The following ADCY3 variants were observed in gnomAD, a reference collection of about 807,000 sequenced individuals.
The protein encoded by ADCY3 is adenylate cyclase type 3.
Under a neutral mutation model 119.4 loss-of-function variants are expected in ADCY3, and 70 were observed. That is an observed-to-expected ratio of 0.59 (90% CI 0.48 to 0.72). ADCY3 has a LOEUF of 0.72. ADCY3 is among the 30% of genes least tolerant of loss of function. The pLI is 0.00. For missense variants in ADCY3, 1,238 were observed against 1,541.6 expected (o/e 0.80, Z 3.30); for synonymous variants, 672 against 621.4 (o/e 1.08, Z -1.21).
At chr2:24,827,760 G>T in intron 14 of ADCY3, 142 bp downstream of exon 14, 2 of 1,428,062 alleles carry the variant, frequency 1.4e-6, no homozygotes, top group African/African-American at 1.4e-5. Context: ...TCTGTGAGCA[G>T]CCAGGAACTG....
chr2:24,859,884 A>G (rs1673430705), intron 3 of ADCY3, among the ~76,000 whole-genome samples: 1 of 152,128 alleles, frequency 6.6e-6, no homozygotes, highest in South Asian at 2.1e-4. Flanking sequence ...AAGGGTGAAG[A>G]TGGGGATGGC....
At chr2:24,828,584 T>C (rs1668957425) in intron 13 of ADCY3, among the ~76,000 whole-genome samples, 1 of 152,242 alleles carries the variant, frequency 6.6e-6, no homozygotes, top group African/African-American at 2.4e-5. Flanking sequence ...TGATGACAGC[T>C]AGTCTCTGCC....
intron 2 of ADCY3, among the ~76,000 whole-genome samples, chr2:24,912,320 G>A (rs1400373192): frequency 4.0e-5 from 6 of 150,680 alleles, no homozygotes; most frequent in African/African-American, 1.5e-4. Flanking sequence ...AAAAAAGGAA[G>A]AAGAAAAAGA....
At chr2:24,838,862 A>T in intron 7 of ADCY3, 1 of 1,602,228 alleles carries the variant, frequency 6.2e-7, no homozygotes, top group South Asian at 1.1e-5. Context: ...TCTCAGCCTC[A>T]GTGTTGGAGC....
At position 24,841,323 on chromosome 2, in the gene ADCY3, C is replaced by T. The variant is rs1670986347; in HGVS notation, c.1132G>A (p.Asp378Asn). 4.4e-6 allele frequency: 7 copies of T among 1,591,160 alleles called. No homozygotes were observed. The highest frequency in any genetic ancestry group is 6.0e-6 in the Non-Finnish European group (7 of 1,169,438). Residue 378 changes from aspartate to asparagine, a missense_variant, in exon 6 of 22, where the codon GAC becomes AAC. Coordinates refer to ENST00000679454, the MANE Select transcript of ADCY3 (RefSeq NM_004036.5). The surrounding 1 kb of genome is among the most constrained non-coding windows in gnomAD (Gnocchi z 5.8). ...DCYYCICGLPDYREDHAVCSI... is the reference protein window; with the variant it reads ...DCYYCICGLPNYREDHAVCSI... ...CAGACGGCGTGGTCCTCCCGGTAGT[C>T]GGGCAAGCCGCAGATGCAGTAGTAG... is the stretch of plus-strand genomic sequence containing the variant.
At chr2:24,888,569 T>A (rs1677330997) in intron 2 of ADCY3, among the ~76,000 whole-genome samples, 1 of 152,228 alleles carries the variant, frequency 6.6e-6, no homozygotes, top group South Asian at 2.1e-4. Flanking sequence ...ATAAGCACTG[T>A]CTTTGGAGCC....
chr2:24,827,711 G>A, intron 14 of ADCY3, 103 bp from the exon 15 acceptor site: 1 of 1,427,862 alleles, frequency 7.0e-7, no homozygotes, highest in South Asian at 1.2e-5. Flanking sequence ...GGGAGAATGG[G>A]AAGAATCTAT....
rs774081468 is a variant in ADCY3 at position 24,918,937 on chromosome 2, TGAGTACTCGGCC to T, written c.39_50del (p.Ala18_Ser21del). 1.2e-5 allele frequency: 19 copies of T among 1,610,912 alleles called. No individual in the cohort carries two copies. The highest frequency in any genetic ancestry group is 1.4e-5 in the Non-Finnish European group (16 of 1,179,556). On this transcript the variant is annotated inframe_deletion, in exon 2 of 22. Transcript: ENST00000679454. This position sits in a 1 kb window ranked among gnomAD's most constrained non-coding sequence, Gnocchi z 5.4. Reference sequence around the variant, plus strand: ...AGGGCAGGCTGACGGAGTACTCGGCTGAGTACTCGGCCGAGTATTCGGGCTCGGAGAAGCCCT... The same window carrying T: ...AGGGCAGGCTGACGGAGTACTCGGCTGAGTATTCGGGCTCGGAGAAGCCCT...
chr2:24,867,905 G>C (rs112313013), intron 3 of ADCY3, among the ~76,000 whole-genome samples: 4,850 of 152,288 alleles, frequency 0.032, 251 homozygotes, highest in African/African-American at 0.11. Context: ...GCAGAGGCTT[G>C]TGAAATGAAG....
intron 2 of ADCY3, among the ~76,000 whole-genome samples, chr2:24,891,844 T>C (rs1044834113): frequency 2.0e-5 from 3 of 152,214 alleles, no homozygotes; most frequent in African/African-American, 7.2e-5. Context: ...TATCAGTTGT[T>C]GTTCATCTCT....
intron 3 of ADCY3, among the ~76,000 whole-genome samples, chr2:24,848,978 T>C (rs1671974761): frequency 6.6e-6 from 1 of 152,132 alleles, no homozygotes; most frequent in African/African-American, 2.4e-5. Flanking sequence ...CACGTGTGCA[T>C]TCAGGGTGCT....
intron 7 of ADCY3, 109 bp downstream of exon 7, chr2:24,839,764 G>C (rs1226689363): frequency 6.7e-7 from 1 of 1,485,952 alleles, no homozygotes; most frequent in African/African-American, 1.4e-5. Context: ...GGGTTGTAGG[G>C]AGGCCTTCTC....
At chr2:24,831,788 G>A (rs369056842) in intron 11 of ADCY3, 39 bp from the exon 12 acceptor site, 189 of 1,310,504 alleles carry the variant, frequency 1.4e-4, no homozygotes, top group Non-Finnish European at 1.8e-4. Context: ...GGCCAGAGGG[G>A]ACAGTGAGAT....
intron 14 of ADCY3, 42 bp from the exon 15 acceptor site, chr2:24,827,650 C>T: frequency 6.4e-7 from 1 of 1,559,250 alleles, no homozygotes; most frequent in Non-Finnish European, 8.7e-7. Flanking sequence ...CATCTGGGAA[C>T]AAGAGCCTGA....
At position 24,918,916 on chromosome 2, in the gene ADCY3, C is replaced by T. The variant is rs1664792351; in HGVS notation, c.72G>A (p.Leu24=). ...CCACCCCGCGGTCAGGGTCGGAGGG[C>T]AGGCTGACGGAGTACTCGGCTGAGT... The part of the protein sequence containing the change: ...AEYSAEYSVS[L]PSDPDRGVGR... Residue 24 remains leucine (L), a synonymous_variant, in exon 2 of 22, where the codon CTG becomes CTA. Coordinates refer to ENST00000679454, the MANE Select transcript of ADCY3 (RefSeq NM_004036.5). This position sits in a 1 kb window ranked among gnomAD's most constrained non-coding sequence, Gnocchi z 5.4. 2 of 1,612,358 alleles carry T rather than the reference C, an allele frequency of 1.2e-6. No individual in the cohort carries two copies. The highest frequency in any genetic ancestry group is 2.7e-5 in the African/African-American group (2 of 74,924).
chr2:24,825,334 C>CGGCGGG (rs1282144660), intron 16 of ADCY3, among the ~76,000 whole-genome samples: 3 of 81,564 alleles, frequency 3.7e-5, no homozygotes, highest in South Asian at 3.5e-4. Flanking sequence ...GTGGTTGTGG[C>CGGCGGG]GGGGGGGGGG....
chr2:24,895,276 A>C (rs1012285663), intron 2 of ADCY3, among the ~76,000 whole-genome samples: 16 of 125,124 alleles, frequency 1.3e-4, no homozygotes, highest in African/African-American at 6.4e-4. Context: ...TTTTTAGGAG[A>C]GACGGGGTTT....
chr2:24,885,518 T>A (rs930616657), intron 2 of ADCY3, among the ~76,000 whole-genome samples: 1 of 152,174 alleles, frequency 6.6e-6, no homozygotes, highest in Non-Finnish European at 1.5e-5. Flanking sequence ...CAGCCTGCTC[T>A]CTCTCACTGA....
intron 2 of ADCY3, among the ~76,000 whole-genome samples, chr2:24,906,793 A>T (rs1679492646): frequency 6.6e-6 from 1 of 152,248 alleles, no homozygotes; most frequent in Non-Finnish European, 1.5e-5. Flanking sequence ...TCCACCTACC[A>T]TAAGCAGGTT....
Sources: gnomAD v4.1 joint callset for allele counts (sites outside exome capture counted in the v4.1 genomes callset) on GRCh38, gnomAD v4.1.1 for gene constraint, Gnocchi (gnomAD v3.1) non-coding constraint, MANE v1.5 for transcripts, NCBI Gene and HGNC (gene_info 2026-07-23, HGNC 2026-07-21) for gene names.